TEX15: variants seen among roughly 807,000 people sequenced by gnomAD.
TEX15 encodes the protein testis expressed 15, meiosis and synapsis associated, also known as testis-expressed protein 15.
In TEX15, 171 loss-of-function variants were observed where a neutral mutation model predicts 237.3. That is an observed-to-expected ratio of 0.72 (90% CI 0.64 to 0.82). The LOEUF is 0.82. Among genes scored for constraint, TEX15 ranks in the 40% least tolerant of loss-of-function variants. The pLI is 0.00. For missense variants in TEX15, 3,750 were observed against 3,646.5 expected (o/e 1.03, Z -0.73); for synonymous variants, 1,338 against 1,269.8 (o/e 1.05, Z -1.14).
Position 30,858,705 on chromosome 8 carries a change from A to T in TEX15, c.813T>A (p.Ser271=). The T allele has an allele frequency of 1.3e-6, 2 of 1,535,674 alleles. No individual in the cohort carries two copies. The highest frequency in any genetic ancestry group is 1.7e-6 in the Non-Finnish European group (2 of 1,146,696). ...GAAATCCTGTTGAGAGGAATCTCAAAGATGTCATAAGGCGTCCATTATCTA... is the reference window on the plus strand; with the variant it reads ...GAAATCCTGTTGAGAGGAATCTCAATGATGTCATAAGGCGTCCATTATCTA... ...SKVDNGRLMT[S]LRFLSTGFPK... Residue 271 remains serine (S), a synonymous_variant, in exon 7 of 11, where the codon TCT becomes TCA. Transcript: ENST00000643185.
rs1405127509 is a variant in TEX15, at chr8:30,843,117, T to G, written c.7050A>C (p.Ala2350=). ...SRKSDHPINE[A]TISIENSKFN... ...ATTTAGAATTTTCTATGCTAATTGT[T>G]GCTTCGTTTATTGGATGATCTGACT... Residue 2350 remains alanine (A), a synonymous_variant, in exon 8 of 11, where the codon GCA becomes GCC. Coordinates refer to ENST00000643185, the MANE Select transcript of TEX15 (RefSeq NM_001350162.2). 1 of 1,613,162 alleles carries G rather than the reference T, an allele frequency of 6.2e-7. No homozygotes were observed. The highest frequency in any genetic ancestry group is 8.5e-7 in the Non-Finnish European group (1 of 1,179,596).
rs751896891 is a variant in TEX15, at chr8:30,837,484, T to C, written c.8800A>G (p.Met2934Val). Residue 2934 changes from methionine to valine, a missense_variant, in exon 10 of 11, where the codon ATG becomes GTG. By Grantham distance (21) the Met-to-Val change is conservative. Coordinates refer to ENST00000643185, the MANE Select transcript of TEX15 (RefSeq NM_001350162.2). ...ATACAGATGGGTTCTGGAGAAGTCA[T>C]GCATGAGGAATTTTTAATAGATGAA... is the stretch of plus-strand genomic sequence containing the variant. Reference protein sequence around the residue: ...VNSSIKNSSCMTSPEPICIQN... With the variant: ...VNSSIKNSSCVTSPEPICIQN... 5 of 1,613,732 alleles carry C rather than the reference T, an allele frequency of 3.1e-6. No individual in the cohort carries two copies. The African/African-American group carries it at 5.3e-5, about 17-fold the overall frequency.
intron 2 of TEX15, chr8:30,887,878 CAT>C (rs1204190070): frequency 7.8e-6 from 1 of 128,312 alleles, no homozygotes; most frequent in African/African-American, 2.8e-5. Context: ...ATATATTTCA[CAT>C]ATATATTTCA....
intron 10 of TEX15, among the ~76,000 whole-genome samples, chr8:30,834,294 TC>T (rs1426276267): frequency 6.6e-6 from 1 of 152,174 alleles, no homozygotes; most frequent in East Asian, 1.9e-4. Flanking sequence ...TGCCTCAGCC[TC>T]CCATGTAGCT....
rs538673921 is a variant in TEX15 at position 30,877,235 on chromosome 8, T to C, written c.137-2133A>G. On this transcript the variant is annotated intron_variant, in intron 3 of 10. Coordinates refer to ENST00000643185, the MANE Select transcript of TEX15 (RefSeq NM_001350162.2). Reference sequence around the variant, plus strand: ...CTCAAATTCTAGAGCCCTACGTGCATGTCTGTGAAAGCATTGCTGAGTAAC... The same window carrying C: ...CTCAAATTCTAGAGCCCTACGTGCACGTCTGTGAAAGCATTGCTGAGTAAC... Among the ~76,000 whole-genome samples the C allele has an allele frequency of 5.3e-5, 8 of 152,350 alleles. 1 individual carries two copies. Among genetic ancestry groups the C allele is most frequent in the African/African-American group, 1.2e-4 (5 of 41,592 alleles).
rs1324071477 is a variant in TEX15 at position 30,843,815 on chromosome 8, G to A, written c.6352C>T (p.Arg2118Cys). The change falls in exon 8 of 11, where the codon CGT (arginine) becomes TGT (cysteine). Residue 2118 changes from arginine (R) to cysteine (C), a missense_variant. Arg to Cys is a radical substitution (Grantham distance 180). Transcript: ENST00000643185. Reference protein sequence around the residue: ...TLYAELLGKPRGFQQQSNFYP... With the variant: ...TLYAELLGKPCGFQQQSNFYP... ...AAATTAGACTGCTGTTGAAATCCAC[G>A]TGGTTTTCCAAGAAGCTCAGCATAC... The A allele has an allele frequency of 7.4e-6, 12 of 1,613,004 alleles. No individual in the cohort carries two copies. The highest frequency in any genetic ancestry group is 1.1e-5 in the South Asian group (1 of 90,856).
At chr8:30,898,456 T>G (rs1808948295) in intron 2 of TEX15, among the ~76,000 whole-genome samples, 1 of 152,222 alleles carries the variant, frequency 6.6e-6, no homozygotes, top group Non-Finnish European at 1.5e-5. Flanking sequence ...ACCTTGATCT[T>G]GGACTTCTCT....
At chr8:30,888,122 C>T (rs1808702486) in intron 2 of TEX15, among the ~76,000 whole-genome samples, 1 of 151,076 alleles carries the variant, frequency 6.6e-6, no homozygotes, top group African/African-American at 2.4e-5. Flanking sequence ...TCTGTGTTGC[C>T]CAGGCTGGTT....
At position 30,847,029 on chromosome 8, in the gene TEX15, T is replaced by C. The variant is rs1807634833; in HGVS notation, c.3138A>G (p.Ile1046Met). 6.2e-7 allele frequency: 1 copy of C among 1,612,618 alleles called. No homozygotes were observed. The highest frequency in any genetic ancestry group is 1.3e-5 in the African/African-American group (1 of 74,884). The change falls in exon 8 of 11, where the codon ATA becomes ATG. Residue 1046 changes from isoleucine to methionine, a missense_variant. By Grantham distance (10) the Ile-to-Met change is conservative (BLOSUM62 1). Transcript: ENST00000643185. Reference sequence around the variant, plus strand: ...TGCTCTGAAGAACTAAGTTCTCATTTATTGATTGATGAAATGATTCTTGTG... The same window carrying C: ...TGCTCTGAAGAACTAAGTTCTCATTCATTGATTGATGAAATGATTCTTGTG... Reference protein sequence around the residue: ...NKSQESFHQSINENLVLQSIE... With the variant: ...NKSQESFHQSMNENLVLQSIE...
At chr8:30,899,178 G>C (rs1808962207) in intron 1 of TEX15, among the ~76,000 whole-genome samples, 1 of 152,178 alleles carries the variant, frequency 6.6e-6, no homozygotes, top group Non-Finnish European at 1.5e-5. Context: ...GCTTGCTCTA[G>C]TGTTTTTACA....
In TEX15 at chr8:30,842,277, A is replaced by G; in HGVS notation, c.7890T>C (p.Ala2630=). 6.2e-7 allele frequency: 1 copy of G among 1,613,814 alleles called. No homozygotes were observed. The highest frequency in any genetic ancestry group is 8.5e-7 in the Non-Finnish European group (1 of 1,179,850). ...ATAGGAAAAAGGAAATGGTTAGTTC[A>G]GCATTTTTAGTACATATCATCTTCA... The part of the protein sequence containing the change: ...EHMKMICTKN[A]ELTISFFLCQ... Residue 2630 remains alanine (A), a synonymous_variant, in exon 8 of 11, where the codon GCT becomes GCC. Coordinates refer to ENST00000643185, the MANE Select transcript of TEX15 (RefSeq NM_001350162.2).
rs771903507 is a variant in TEX15, at chr8:30,847,297, G to GTAT, written c.2867_2869dup (p.Asn956dup). On this transcript the variant is annotated inframe_insertion, in exon 8 of 11. Transcript: ENST00000643185. ...AGCCAAATGCTCTACACTTCTTCCA[G>GTAT]TATTTTCAGTATCTTTTTGTTTCAC... 3.1e-6 allele frequency: 5 copies of GTAT among 1,613,908 alleles called. No homozygotes were observed. In the South Asian group the frequency reaches 5.5e-5, roughly 18 times the overall value.
chr8:30,892,951 T>C (rs1808825591), intron 2 of TEX15, among the ~76,000 whole-genome samples: 1 of 148,480 alleles, frequency 6.7e-6, no homozygotes, highest in Non-Finnish European at 1.5e-5. Context: ...GAGAACAGCG[T>C]GAACCCGGGA....
At position 30,841,877 on chromosome 8, in the gene TEX15, T is replaced by C. The variant is rs1807462395; in HGVS notation, c.8163+127A>G. 3 of 584,428 alleles carry C rather than the reference T, an allele frequency of 5.1e-6. No homozygotes were observed. The South Asian group carries it at 9.6e-5, about 19-fold the overall frequency. The allele number at this position is 584,428 out of a possible 1,614,324, so 36.2% of individuals were successfully genotyped here. A position where few individuals can be genotyped will look rare whatever the true frequency, so the allele number is the denominator to read the frequency against. On this transcript the variant is annotated intron_variant, in intron 8 of 10. Transcript: ENST00000643185. Reference sequence around the variant, plus strand: ...TTGTTTAAATCAATATTATAGTTAGTAAATTCATTTTGCCAGACAATTTAC... The same window carrying C: ...TTGTTTAAATCAATATTATAGTTAGCAAATTCATTTTGCCAGACAATTTAC...
In TEX15 at chr8:30,867,547, C is replaced by T. The variant is rs1300723559; in HGVS notation, c.303-45G>A. 4.2e-6 allele frequency: 5 copies of T among 1,182,004 alleles called. No homozygotes were observed. In the South Asian group the frequency reaches 5.6e-5, roughly 13 times the overall value. 73.2% of individuals were successfully genotyped at this position (1,182,004 alleles called of 1,614,324 possible). ...GTATACAGTTAAAGATAAATATCAA[C>T]AAAATTTTCAAGAAGATACATATTT... On this transcript the variant is annotated intron_variant, in intron 4 of 10. Coordinates refer to ENST00000643185, the MANE Select transcript of TEX15 (RefSeq NM_001350162.2).
rs534972882 is a variant in TEX15, at chr8:30,912,944, C to T, written c.-151G>A. The T allele has an allele frequency of 1.3e-5, 2 of 152,468 alleles. No individual in the cohort carries two copies. The highest frequency in any genetic ancestry group is 6.5e-5 in the Admixed American group (1 of 15,310). The allele number at this position is 152,468 out of a possible 1,614,324, so 9.4% of individuals were successfully genotyped here. On this transcript the variant is annotated 5_prime_UTR_variant, in exon 1 of 11. Transcript: ENST00000643185. Reference sequence around the variant, plus strand: ...ATCTTAGCACGGTACAGACCTTCGCCCACTGCCTTCCCTGGAAGCCTCAGG... The same window carrying T: ...ATCTTAGCACGGTACAGACCTTCGCTCACTGCCTTCCCTGGAAGCCTCAGG...
At position 30,839,844 on chromosome 8, in the gene TEX15, G is replaced by A. The variant is rs972752237; in HGVS notation, c.8222+62C>T. 4.6e-5 allele frequency: 47 copies of A among 1,030,986 alleles called. No individual in the cohort carries two copies. The South Asian group carries it at 7.0e-4, about 15-fold the overall frequency. 63.9% of individuals were successfully genotyped at this position (1,030,986 alleles called of 1,614,324 possible). On this transcript the variant is annotated intron_variant, in intron 9 of 10. Coordinates refer to ENST00000643185, the MANE Select transcript of TEX15 (RefSeq NM_001350162.2). The stretch of plus-strand genomic sequence containing the variant: ...TATAAATAATTGTGTTATTCTAGTT[G>A]TTTAGTATTTGCCCAATTTTGTTCA...
intron 3 of TEX15, among the ~76,000 whole-genome samples, chr8:30,885,585 G>T (rs1377096535): frequency 6.6e-6 from 1 of 152,130 alleles, no homozygotes; most frequent in African/African-American, 2.4e-5. Context: ...AGAGGTGACT[G>T]TATGATTTCC....
intron 1 of TEX15, among the ~76,000 whole-genome samples, chr8:30,904,625 T>C (rs974776922): frequency 6.6e-6 from 1 of 152,196 alleles, no homozygotes; most frequent in African/African-American, 2.4e-5. Flanking sequence ...CCTCCCCCTG[T>C]GAGTTGTTTT....
Sources: allele counts gnomAD v4.1 joint callset (sites outside exome capture counted in the v4.1 genomes callset), GRCh38; gene constraint gnomAD v4.1.1; transcripts MANE v1.5; gene names NCBI Gene and HGNC (gene_info 2026-07-23, HGNC 2026-07-21).